SERPINH1: variants seen among roughly 807,000 people sequenced by gnomAD.
SERPINH1 encodes the protein serpin family H member 1, also known as serpin H1.
Under a neutral mutation model 32.3 loss-of-function variants are expected in SERPINH1, and 22 were observed. The observed-to-expected ratio is 0.68, with a 90% confidence interval of 0.49 to 0.97. The LOEUF (loss-of-function observed/expected upper bound fraction) is 0.97, where lower values mean the gene tolerates loss of function less well. Among genes scored for constraint, SERPINH1 ranks in the 50% least tolerant of loss-of-function variants. The pLI, the probability that SERPINH1 is intolerant of heterozygous loss-of-function variation, is 0.00. For missense variants in SERPINH1, 543 were observed against 576.4 expected, an observed-to-expected ratio of 0.94 and a Z score of 0.59; for synonymous variants, 251 against 245.9, an observed-to-expected ratio of 1.02 and a Z score of -0.19.
At chr11:75,567,488 A>G (rs1942111498) in intron 2 of SERPINH1, among the ~76,000 whole-genome samples, 1 of 152,058 alleles carries the variant, frequency 6.6e-6, no homozygotes, top group African/African-American at 2.4e-5. Flanking sequence ...CACCCAGCTA[A>G]TTTTTGTATT....
At position 75,571,659 on chromosome 11, in the gene SERPINH1, G is replaced by A. The variant is rs545608603; in HGVS notation, c.955-122G>A. 17 of 843,374 alleles carry A rather than the reference G, an allele frequency of 2.0e-5. No homozygotes were observed. The African/African-American group carries it at 2.8e-4, about 14-fold the overall frequency. The allele number at this position is 843,374 out of a possible 1,614,324, so 52.2% of individuals were successfully genotyped here. On this transcript the variant is annotated intron_variant, in intron 4 of 4. Transcript: ENST00000358171. ...CCAGTGCCATGCCTGGCATACAGAA[G>A]GTGACCAGGGGGTGGTTCTCTCCTC...
At chr11:75,564,084 G>C (rs1259403433) in intron 1 of SERPINH1, among the ~76,000 whole-genome samples, 1 of 152,192 alleles carries the variant, frequency 6.6e-6, no homozygotes, top group Non-Finnish European at 1.5e-5. Flanking sequence ...ATGTGCGGAT[G>C]GGAAGGGAAC....
chr11:75,564,008 C>A (rs1440296598), intron 1 of SERPINH1, among the ~76,000 whole-genome samples: 1 of 152,244 alleles, frequency 6.6e-6, no homozygotes, highest in Non-Finnish European at 1.5e-5. Context: ...TGCCTTCCCC[C>A]ATTCCTGCTG....
rs781002791 is a variant in SERPINH1, at chr11:75,566,474, C to A, written c.125C>A (p.Thr42Lys). 9 of 1,612,436 alleles carry A rather than the reference C, an allele frequency of 5.6e-6. No individual in the cohort carries two copies. The South Asian group carries it at 9.9e-5, about 18-fold the overall frequency. Reference protein sequence around the residue: ...TAEKLSPKAATLAERSAGLAF... With the variant: ...TAEKLSPKAAKLAERSAGLAF... ...GAGAAGTTGAGCCCCAAGGCGGCCA[C>A]GCTTGCCGAGCGCAGCGCCGGCCTG... The change falls in exon 2 of 5, where the codon ACG becomes AAG. Residue 42 changes from threonine (T) to lysine (K), a missense_variant. By Grantham distance (78) the Thr-to-Lys change is moderately conservative. Around this residue, in one of 3 missense-constraint regions of SERPINH1, gnomAD observed 109 missense variants for 102.4 expected, o/e 1.06. Transcript: ENST00000358171.
Position 75,572,154 on chromosome 11 carries a change from T to TG in SERPINH1, c.*78dup, listed in dbSNP as rs770329618. 9.0e-4 allele frequency: 1,156 copies of TG among 1,280,200 alleles called. 9 individuals carry two copies. Among genetic ancestry groups the TG allele is most frequent in the Admixed American group, 3.5e-4 (19 of 53,768 alleles). The allele number at this position is 1,280,200 out of a possible 1,614,324, so 79.3% of individuals were successfully genotyped here. A position where few individuals can be genotyped will look rare whatever the true frequency, so the allele number is the denominator to read the frequency against. The stretch of plus-strand genomic sequence containing the variant: ...TGAGACACATGGGTGCTATTGGGGT[T>TG]GGGGGGGAGGTGAGGTACCAGCCTT... On this transcript the variant is annotated 3_prime_UTR_variant, in exon 5 of 5. Coordinates refer to ENST00000358171, the MANE Select transcript of SERPINH1 (RefSeq NM_001235.5).
At position 75,566,881 on chromosome 11, in the gene SERPINH1, G is replaced by T. The variant is rs753922805; in HGVS notation, c.532G>T (p.Ala178Ser). The T allele has an allele frequency of 1.2e-6, 2 of 1,609,948 alleles. No individual in the cohort carries two copies. Among genetic ancestry groups the T allele is most frequent in the Non-Finnish European group, 8.5e-7 (1 of 1,179,956 alleles). ...GCTGCAGTCCATCAACGAGTGGGCCGCGCAGACCACCGACGGCAAGCTGCC... is the reference window on the plus strand; with the variant it reads ...GCTGCAGTCCATCAACGAGTGGGCCTCGCAGACCACCGACGGCAAGCTGCC... ...SALQSINEWAAQTTDGKLPEV... is the reference protein window; with the variant it reads ...SALQSINEWASQTTDGKLPEV... The change falls in exon 2 of 5, where the codon GCG becomes TCG. Residue 178 changes from alanine (A) to serine (S), a missense_variant. Around this residue, in one of 3 missense-constraint regions of SERPINH1, gnomAD observed 427 missense variants for 446.4 expected, o/e 0.96. Coordinates refer to ENST00000358171, the MANE Select transcript of SERPINH1 (RefSeq NM_001235.5).
Position 75,572,169 on chromosome 11 carries a change from G to GTA in SERPINH1, c.*87_*88dup. The GTA allele has an allele frequency of 7.4e-7, 1 of 1,354,290 alleles. No homozygotes were observed. The highest frequency in any genetic ancestry group is 1.8e-5 in the Admixed American group (1 of 54,140). 83.9% of individuals were successfully genotyped at this position (1,354,290 alleles called of 1,614,324 possible). Reference sequence around the variant, plus strand: ...CTATTGGGGTTGGGGGGGAGGTGAGGTACCAGCCTTGGATACTCCATGGGG... The same window carrying GTA: ...CTATTGGGGTTGGGGGGGAGGTGAGGTATACCAGCCTTGGATACTCCATGGGG... On this transcript the variant is annotated 3_prime_UTR_variant, in exon 5 of 5. Transcript: ENST00000358171.
rs535895398 is a variant in SERPINH1 at position 75,569,405 on chromosome 11, T to G, written c.954+234T>G. The G allele has an allele frequency of 5.4e-6, 3 of 556,036 alleles. No individual in the cohort carries two copies. The Admixed American group carries it at 9.2e-5, about 17-fold the overall frequency. The allele number at this position is 556,036 out of a possible 1,614,324, so 34.4% of individuals were successfully genotyped here. A position where few individuals can be genotyped will look rare whatever the true frequency, so the allele number is the denominator to read the frequency against. Reference sequence around the variant, plus strand: ...CATTCCTGTATGCTAGGCGTTCTTCTAAGCACTTTATATGTATTATTATTA... The same window carrying G: ...CATTCCTGTATGCTAGGCGTTCTTCGAAGCACTTTATATGTATTATTATTA... On this transcript the variant is annotated intron_variant, in intron 4 of 4. Coordinates refer to ENST00000358171, the MANE Select transcript of SERPINH1 (RefSeq NM_001235.5).
At chr11:75,570,566 G>T (rs1047097903) in intron 4 of SERPINH1, among the ~76,000 whole-genome samples, 5 of 152,174 alleles carry the variant, frequency 3.3e-5, no homozygotes, top group Non-Finnish European at 5.9e-5. Flanking sequence ...AGGTCATCCG[G>T]GTGGGAAGAG....
chr11:75,563,370 G>C (rs1258764457), intron 1 of SERPINH1: 2 of 152,430 alleles, frequency 1.3e-5, no homozygotes, highest in African/African-American at 4.8e-5. Flanking sequence ...GTCTTCAGAT[G>C]GTTCATGTAC....
chr11:75,571,695 G>A lies in SERPINH1; in HGVS notation c.955-86G>A, dbSNP rs552873341. The A allele has an allele frequency of 1.5e-3, 1,917 of 1,267,048 alleles. 6 individuals carry two copies. Among genetic ancestry groups the A allele is most frequent in the Non-Finnish European group, 1.9e-3 (1,651 of 880,754 alleles). The allele number at this position is 1,267,048 out of a possible 1,614,324, so 78.5% of individuals were successfully genotyped here. A position where few individuals can be genotyped will look rare whatever the true frequency, so the allele number is the denominator to read the frequency against. ...GGTGGTTCTCTCCTCTCTGAGGAGC[G>A]GTCAGGGTAGTATGGGGTGGAGGGT... On this transcript the variant is annotated intron_variant, in intron 4 of 4. Transcript: ENST00000358171.
chr11:75,566,872 G>T lies in SERPINH1; in HGVS notation c.523G>T (p.Glu175Ter), dbSNP rs766813083. 3.1e-6 allele frequency: 5 copies of T among 1,610,746 alleles called. No homozygotes were observed. Among genetic ancestry groups the T allele is most frequent in the Admixed American group, 3.3e-5 (2 of 60,028 alleles). Reference sequence around the variant, plus strand: ...GCGCAGCGCGCTGCAGTCCATCAACGAGTGGGCCGCGCAGACCACCGACGG... The same window carrying T: ...GCGCAGCGCGCTGCAGTCCATCAACTAGTGGGCCGCGCAGACCACCGACGG... The part of the protein sequence containing the change: ...DKRSALQSIN[E>*]WAAQTTDGKL... The change falls in exon 2 of 5, where the codon GAG (glutamate) becomes TAG (stop). Residue 175 changes from glutamate to a stop codon, truncating the protein, a stop_gained. Coordinates refer to ENST00000358171, the MANE Select transcript of SERPINH1 (RefSeq NM_001235.5). LOFTEE classifies it high-confidence loss of function.
At position 75,572,019 on chromosome 11, in the gene SERPINH1, G is replaced by T. The variant is rs765402376; in HGVS notation, c.1193G>T (p.Gly398Val). 2 of 1,614,086 alleles carry T rather than the reference G, an allele frequency of 1.2e-6. No individual in the cohort carries two copies. Among genetic ancestry groups the T allele is most frequent in the Non-Finnish European group, 1.7e-6 (2 of 1,180,044 alleles). The part of the protein sequence containing the change: ...FIFLVRDTQS[G>V]SLLFIGRLVR... ...TTCCTAGTGCGGGACACCCAAAGCG[G>T]CTCCCTGCTATTCATTGGGCGCCTG... The change falls in exon 5 of 5, where the codon GGC (glycine) becomes GTC (valine). Residue 398 changes from glycine to valine, a missense_variant. This residue lies in a region of SERPINH1 where 427 missense variants were observed against 446.4 expected (regional missense o/e 0.96). Coordinates refer to ENST00000358171, the MANE Select transcript of SERPINH1 (RefSeq NM_001235.5).
Position 75,572,057 on chromosome 11 carries a change from G to A in SERPINH1, c.1231G>A (p.Gly411Ser). 1.2e-6 allele frequency: 2 copies of A among 1,614,162 alleles called. No individual in the cohort carries two copies. Among genetic ancestry groups the A allele is most frequent in the Non-Finnish European group, 1.7e-6 (2 of 1,180,038 alleles). Residue 411 changes from glycine (G) to serine (S), a missense_variant, in exon 5 of 5, where the codon GGT becomes AGT. By Grantham distance (56) the Gly-to-Ser change is moderately conservative (BLOSUM62 0). This residue lies in a region of SERPINH1 where 427 missense variants were observed against 446.4 expected (regional missense o/e 0.96). Coordinates refer to ENST00000358171, the MANE Select transcript of SERPINH1 (RefSeq NM_001235.5). ...CATTGGGCGCCTGGTCCGGCCTAAG[G>A]GTGACAAGATGCGAGACGAGTTATA... ...LFIGRLVRPK[G>S]DKMRDEL
rs747059624 is a variant in SERPINH1, at chr11:75,569,127, A to G, written c.910A>G (p.Ile304Val). 3.1e-6 allele frequency: 5 copies of G among 1,613,804 alleles called. No individual in the cohort carries two copies. Among genetic ancestry groups the G allele is most frequent in the Non-Finnish European group, 4.2e-6 (5 of 1,179,828 alleles). Reference sequence around the variant, plus strand: ...GAAGATGCAGAAGAAGGCTGTTGCCATCTCCTTGCCCAAGGGTGTGGTGGA... The same window carrying G: ...GAAGATGCAGAAGAAGGCTGTTGCCGTCTCCTTGCCCAAGGGTGTGGTGGA... ...MGKMQKKAVA[I>V]SLPKGVVEVT... is the part of the protein sequence containing the mutation. The change falls in exon 4 of 5, where the codon ATC becomes GTC. Residue 304 changes from isoleucine (I) to valine (V), a missense_variant. Coordinates refer to ENST00000358171, the MANE Select transcript of SERPINH1 (RefSeq NM_001235.5).
chr11:75,571,906 C>T lies in SERPINH1; in HGVS notation c.1080C>T (p.Asp360=). The part of the protein sequence containing the change: ...SVFHATAFEL[D]TDGNPFDQDI... ...TCCACGCCACCGCCTTTGAGTTGGA[C>T]ACAGATGGCAACCCCTTTGACCAGG... Residue 360 remains aspartate, a synonymous_variant, in exon 5 of 5, where the codon GAC becomes GAT. Transcript: ENST00000358171. The T allele has an allele frequency of 1.2e-6, 2 of 1,614,252 alleles. No individual in the cohort carries two copies.
intron 2 of SERPINH1, 23 bp downstream of exon 2, chr11:75,566,994 G>GCTC: frequency 5.8e-6 from 9 of 1,560,512 alleles, no homozygotes; most frequent in Non-Finnish European, 7.8e-6. Flanking sequence ...CGCGTTCAGG[G>GCTC]GTCCTCCTCC....
At chr11:75,570,705 C>T (rs559050391) in intron 4 of SERPINH1, among the ~76,000 whole-genome samples, 5 of 152,204 alleles carry the variant, frequency 3.3e-5, no homozygotes, top group Admixed American at 6.5e-5. Context: ...CTGCCATTCA[C>T]TCAGCCCACA....
intron 2 of SERPINH1, chr11:75,568,245 T>C (rs645935): frequency 0.81 from 174,533 of 214,842 alleles, 71,726 homozygotes; most frequent in Non-Finnish European, 0.86. Context: ...GTCATGATTG[T>C]ACCACTGCAC....
Sources: gnomAD v4.1 joint callset for allele counts (sites outside exome capture counted in the v4.1 genomes callset) on GRCh38, gnomAD v4.1.1 for gene constraint, gnomAD v4.1.1 regional missense constraint, MANE v1.5 for transcripts, NCBI Gene and HGNC (gene_info 2026-07-23, HGNC 2026-07-21) for gene names.